VN1R1: variants seen among roughly 807,000 people sequenced by gnomAD.
VN1R1 encodes vomeronasal 1 receptor 1.
For missense variants in VN1R1, 391 were observed against 410.3 expected, an observed-to-expected ratio of 0.95 and a Z score of 0.41; for synonymous variants, 168 against 149.8, an observed-to-expected ratio of 1.12 and a Z score of -0.89.
rs1366687608 is a variant in VN1R1, at chr19:57,455,486, T to C, written c.1001A>G (p.Gln334Arg). The C allele has an allele frequency of 1.2e-6, 2 of 1,614,012 alleles. No homozygotes were observed. Among genetic ancestry groups the C allele is most frequent in the Non-Finnish European group, 1.7e-6 (2 of 1,179,958 alleles). ...CCTTGTCCTGCAGGCAAAACAGAAC[T>C]GAGAGATATGAGTATCACTCATGAT... ...VLIMSDTHIS[Q>R]FCFACRTRKT... The change falls in exon 1 of 1, where the codon CAG becomes CGG. Residue 334 changes from glutamine to arginine, a missense_variant. Coordinates refer to ENST00000321039, the MANE Select transcript of VN1R1 (RefSeq NM_020633.4).
Position 57,455,864 on chromosome 19 carries a change from C to T in VN1R1, c.623G>A (p.Cys208Tyr). 1.2e-6 allele frequency: 2 copies of T among 1,614,192 alleles called. No homozygotes were observed. Among genetic ancestry groups the T allele is most frequent in the Non-Finnish European group, 1.7e-6 (2 of 1,180,036 alleles). Residue 208 changes from cysteine (C) to tyrosine (Y), a missense_variant, in exon 1 of 1, where the codon TGT becomes TAT. By Grantham distance (194) the Cys-to-Tyr change is radical (BLOSUM62 -2). Coordinates refer to ENST00000321039, the MANE Select transcript of VN1R1 (RefSeq NM_020633.4). ...NSSAKNNYGY[C>Y]SYKASKRFSS... is the part of the protein sequence containing the mutation. ...AAATCTCTTTGATGCTTTGTAAGAACAGTATCCATAATTGTTTTTTGCACT... is the reference window on the plus strand; with the variant it reads ...AAATCTCTTTGATGCTTTGTAAGAATAGTATCCATAATTGTTTTTTGCACT...
chr19:57,456,096 C>CCACCCTGTGGTAATTATTAT, the VN1R1 span: 1 of 1,614,104 alleles, frequency 6.2e-7, no homozygotes, highest in Admixed American at 1.7e-5. Context: ...ACTCTTGTGC[C>CCACCCTGTGGTAATTATTAT]CACCCTGTGA....
rs1272981930 is a variant in VN1R1 at position 57,456,189 on chromosome 19, A to G, written c.298T>C (p.Phe100Leu). The change falls in exon 1 of 1, where the codon TTT becomes CTT. Residue 100 changes from phenylalanine (F) to leucine (L), a missense_variant. By Grantham distance (22) the Phe-to-Leu change is conservative. Coordinates refer to ENST00000321039, the MANE Select transcript of VN1R1 (RefSeq NM_020633.4). ...LALANSMVLFFKGIPQTMAAF... is the reference protein window; with the variant it reads ...LALANSMVLFLKGIPQTMAAF... Reference sequence around the variant, plus strand: ...GCCATTGTCTGAGGTATCCCTTTAAAGAAAAGGACCATGGAGTTAGCCAAG... The same window carrying G: ...GCCATTGTCTGAGGTATCCCTTTAAGGAAAAGGACCATGGAGTTAGCCAAG... 1.9e-6 allele frequency: 3 copies of G among 1,614,120 alleles called. No individual in the cohort carries two copies. Among genetic ancestry groups the G allele is most frequent in the Non-Finnish European group, 2.5e-6 (3 of 1,180,060 alleles).
At position 57,456,792 on chromosome 19, in the gene VN1R1, C is replaced by T; in HGVS notation, c.-306G>A. On this transcript the variant is annotated 5_prime_UTR_variant, in exon 1 of 1. Coordinates refer to ENST00000321039, the MANE Select transcript of VN1R1 (RefSeq NM_020633.4). Reference sequence around the variant, plus strand: ...GGACAGGGCTTTTTCTGTATTATTTCTTATGACTGCTTGTGAGTCTACACT... The same window carrying T: ...GGACAGGGCTTTTTCTGTATTATTTTTTATGACTGCTTGTGAGTCTACACT... 8.2e-6 allele frequency: 2 copies of T among 244,706 alleles called. No individual in the cohort carries two copies. The highest frequency in any genetic ancestry group is 1.6e-4 in the South Asian group (1 of 6,292). 15.2% of individuals were successfully genotyped at this position (244,706 alleles called of 1,614,324 possible).
chr19:57,456,356 C>T lies in VN1R1; in HGVS notation c.131G>A (p.Gly44Glu). The T allele has an allele frequency of 6.2e-7, 1 of 1,613,878 alleles. No individual in the cohort carries two copies. The highest frequency in any genetic ancestry group is 2.2e-5 in the East Asian group (1 of 44,880). Reference sequence around the variant, plus strand: ...GAAGCTAATCCCTGATTTTACTTTTCCAAAAGCCATTTCATCAAAATCTAG... The same window carrying T: ...GAAGCTAATCCCTGATTTTACTTTTTCAAAAGCCATTTCATCAAAATCTAG... Reference protein sequence around the residue: ...HPLDFDEMAFGKVKSGISFLI... With the variant: ...HPLDFDEMAFEKVKSGISFLI... The change falls in exon 1 of 1, where the codon GGA becomes GAA. Residue 44 changes from glycine (G) to glutamate (E), a missense_variant. By Grantham distance (98) the Gly-to-Glu change is moderately conservative (BLOSUM62 -2). Transcript: ENST00000321039.
At position 57,456,105 on chromosome 19, in the gene VN1R1, GATA is replaced by G; in HGVS notation, c.379_381del (p.Tyr127del). Reference sequence around the variant, plus strand: ...AGGGAAACTCTTGTGCCCACCCTGTGATAATAAAAGACAAACTTACATCCAGTG... The same window carrying G: ...AGGGAAACTCTTGTGCCCACCCTGTGATAAAAGACAAACTTACATCCAGTG... On this transcript the variant is annotated inframe_deletion, in exon 1 of 1. Transcript: ENST00000321039. The G allele has an allele frequency of 6.2e-7, 1 of 1,614,138 alleles. No individual in the cohort carries two copies. Among genetic ancestry groups the G allele is most frequent in the South Asian group, 1.1e-5 (1 of 91,068 alleles).
Position 57,455,526 on chromosome 19 carries a change from T to C in VN1R1, c.961A>G (p.Ser321Gly), listed in dbSNP as rs1174085378. The stretch of plus-strand genomic sequence containing the variant: ...TCACTCATGATGAGGACAAAAGGGC[T>C]GCGTGCTGGGAAACATGAGGCGACC... The part of the protein sequence containing the change: ...VLVASCFPAR[S>G]PFVLIMSDTH... The change falls in exon 1 of 1, where the codon AGC (serine) becomes GGC (glycine). Residue 321 changes from serine (S) to glycine (G), a missense_variant. Transcript: ENST00000321039. The C allele has an allele frequency of 6.2e-7, 1 of 1,614,134 alleles. No individual in the cohort carries two copies. The highest frequency in any genetic ancestry group is 1.1e-5 in the South Asian group (1 of 91,080).
chr19:57,455,560 G>C lies in VN1R1; in HGVS notation c.927C>G (p.Asn309Lys). The C allele has an allele frequency of 6.2e-7, 1 of 1,614,208 alleles. No homozygotes were observed. Among genetic ancestry groups the C allele is most frequent in the Non-Finnish European group, 8.5e-7 (1 of 1,180,044 alleles). Residue 309 changes from asparagine (N) to lysine (K), a missense_variant, in exon 1 of 1, where the codon AAC becomes AAG. By Grantham distance (94) the Asn-to-Lys change is moderately conservative. Coordinates refer to ENST00000321039, the MANE Select transcript of VN1R1 (RefSeq NM_020633.4). Reference protein sequence around the residue: ...VANPGQWIVTNSVLVASCFPA... With the variant: ...VANPGQWIVTKSVLVASCFPA... Reference sequence around the variant, plus strand: ...GGAAACATGAGGCGACCAACACAGAGTTGGTCACTATCCACTGGCCTGGGT... The same window carrying C: ...GGAAACATGAGGCGACCAACACAGACTTGGTCACTATCCACTGGCCTGGGT...
Position 57,455,317 on chromosome 19 carries a change from G to T in VN1R1, c.*108C>A. The T allele has an allele frequency of 2.0e-6, 2 of 1,015,060 alleles. No individual in the cohort carries two copies. Among genetic ancestry groups the T allele is most frequent in the Non-Finnish European group, 1.4e-6 (1 of 696,574 alleles). 62.9% of individuals were successfully genotyped at this position (1,015,060 alleles called of 1,614,324 possible). A position where few individuals can be genotyped will look rare whatever the true frequency, so the allele number is the denominator to read the frequency against. ...TGGTATTAGATCTTCCTGGACAAGA[G>T]CATTACTGGCCATGTGTATGTTGCT... On this transcript the variant is annotated 3_prime_UTR_variant, in exon 1 of 1. Transcript: ENST00000321039.
rs370188727 is a variant in VN1R1 at position 57,455,105 on chromosome 19, CTG to C, written c.*318_*319del. Reference sequence around the variant, plus strand: ...CTGTTCAAGAAGCACCTGAATCAAACTGTGCTTTAAAAATATTTTTAAAACAT... The same window carrying C: ...CTGTTCAAGAAGCACCTGAATCAAACTGCTTTAAAAATATTTTTAAAACAT... On this transcript the variant is annotated 3_prime_UTR_variant, in exon 1 of 1. Transcript: ENST00000321039. 1.4e-3 allele frequency: 369 copies of C among 261,820 alleles called. 4 individuals are homozygous for C. Among genetic ancestry groups the C allele is most frequent in the African/African-American group, 7.6e-3 (331 of 43,812 alleles). 16.2% of individuals were successfully genotyped at this position (261,820 alleles called of 1,614,324 possible). A position where few individuals can be genotyped will look rare whatever the true frequency, so the allele number is the denominator to read the frequency against.
chr19:57,456,984 C>G lies in VN1R1; in HGVS notation c.-498G>C, dbSNP rs973455376. 6.6e-6 allele frequency: 1 copy of G among 152,006 alleles called. No homozygotes were observed. Among genetic ancestry groups the G allele is most frequent in the Admixed American group, 6.6e-5 (1 of 15,240 alleles). 9.4% of individuals were successfully genotyped at this position (152,006 alleles called of 1,614,324 possible). On this transcript the variant is annotated 5_prime_UTR_variant, in exon 1 of 1. Coordinates refer to ENST00000321039, the MANE Select transcript of VN1R1 (RefSeq NM_020633.4). Reference sequence around the variant, plus strand: ...GCTCACACCTGTAATTCCAGCACTTCGGGAGGCCAAGATGGAGACCATCCT... The same window carrying G: ...GCTCACACCTGTAATTCCAGCACTTGGGGAGGCCAAGATGGAGACCATCCT...
Position 57,456,795 on chromosome 19 carries a change from A to G in VN1R1, c.-309T>C. The G allele has an allele frequency of 4.1e-6, 1 of 243,986 alleles. No homozygotes were observed. Among genetic ancestry groups the G allele is most frequent in the Non-Finnish European group, 7.8e-6 (1 of 128,402 alleles). 15.1% of individuals were successfully genotyped at this position (243,986 alleles called of 1,614,324 possible). ...CAGGGCTTTTTCTGTATTATTTCTT[A>G]TGACTGCTTGTGAGTCTACACTTAT... On this transcript the variant is annotated 5_prime_UTR_variant, in exon 1 of 1. Transcript: ENST00000321039.
At position 57,456,130 on chromosome 19, in the gene VN1R1, A is replaced by G. The variant is rs763583793; in HGVS notation, c.357T>C (p.Thr119=). Residue 119 remains threonine, a synonymous_variant, in exon 1 of 1, where the codon ACT becomes ACC. Transcript: ENST00000321039. ...AFGLKYLLND[T]GCKFVFYYHR... is the part of the protein sequence containing the mutation. ...GATAATAAAAGACAAACTTACATCC[A>G]GTGTCATTCAGCAAATATTTCAATC... 6.2e-7 allele frequency: 1 copy of G among 1,614,202 alleles called. No individual in the cohort carries two copies. Among genetic ancestry groups the G allele is most frequent in the South Asian group, 1.1e-5 (1 of 91,076 alleles).
Position 57,456,073 on chromosome 19 carries a change from G to C in VN1R1, c.414C>G (p.Thr138=). The C allele has an allele frequency of 6.2e-7, 1 of 1,614,170 alleles. No homozygotes were observed. The highest frequency in any genetic ancestry group is 8.5e-7 in the Non-Finnish European group (1 of 1,180,040). ...CTTGGAATCCATTGAGAAGGCAGATGGTGCTGAGGGAAACTCTTGTGCCCA... is the reference window on the plus strand; with the variant it reads ...CTTGGAATCCATTGAGAAGGCAGATCGTGCTGAGGGAAACTCTTGTGCCCA... ...HRVGTRVSLS[T]ICLLNGFQAI... Residue 138 remains threonine, a synonymous_variant, in exon 1 of 1, where the codon ACC becomes ACG. Coordinates refer to ENST00000321039, the MANE Select transcript of VN1R1 (RefSeq NM_020633.4).
Position 57,455,694 on chromosome 19 carries a change from G to A in VN1R1, c.793C>T (p.Pro265Ser). ...TGTGTGGCTCTGGCTTCCTGGGAAG[G>A]TCTGCAGGAGAGTCTGTTGCTGTGA... The part of the protein sequence containing the change: ...HNHSNRLSCR[P>S]SQEARATHTI... Residue 265 changes from proline (P) to serine (S), a missense_variant, in exon 1 of 1, where the codon CCT becomes TCT. Pro to Ser is a moderately conservative substitution (Grantham distance 74). Coordinates refer to ENST00000321039, the MANE Select transcript of VN1R1 (RefSeq NM_020633.4). 6.2e-7 allele frequency: 1 copy of A among 1,614,156 alleles called. No homozygotes were observed. Among genetic ancestry groups the A allele is most frequent in the Admixed American group, 1.7e-5 (1 of 60,014 alleles).
In VN1R1 at chr19:57,455,495, T is replaced by C. The variant is rs760122408; in HGVS notation, c.992A>G (p.His331Arg). The stretch of plus-strand genomic sequence containing the variant: ...GCAGGCAAAACAGAACTGAGAGATA[T>C]GAGTATCACTCATGATGAGGACAAA... The part of the protein sequence containing the change: ...SPFVLIMSDT[H>R]ISQFCFACRT... The change falls in exon 1 of 1, where the codon CAT becomes CGT. Residue 331 changes from histidine to arginine, a missense_variant. His to Arg is a conservative substitution (Grantham distance 29, BLOSUM62 0). Transcript: ENST00000321039. The C allele has an allele frequency of 8.1e-6, 13 of 1,613,814 alleles. No homozygotes were observed. In the East Asian group the frequency reaches 1.8e-4, roughly 22 times the overall value.
At position 57,455,408 on chromosome 19, in the gene VN1R1, C is replaced by T. The variant is rs1472546889; in HGVS notation, c.*17G>A. 6.3e-7 allele frequency: 1 copy of T among 1,584,914 alleles called. No individual in the cohort carries two copies. The highest frequency in any genetic ancestry group is 8.6e-7 in the Non-Finnish European group (1 of 1,166,840). On this transcript the variant is annotated 3_prime_UTR_variant, in exon 1 of 1. Transcript: ENST00000321039. ...AAGAGTTATGATAAATAGCTGAATT[C>T]CATGAAGAGAAAAGACTCATGGCAT...
chr19:57,456,792 C>A lies in VN1R1; in HGVS notation c.-306G>T. ...GGACAGGGCTTTTTCTGTATTATTTCTTATGACTGCTTGTGAGTCTACACT... is the reference window on the plus strand; with the variant it reads ...GGACAGGGCTTTTTCTGTATTATTTATTATGACTGCTTGTGAGTCTACACT... On this transcript the variant is annotated 5_prime_UTR_variant, in exon 1 of 1. Transcript: ENST00000321039. The A allele has an allele frequency of 4.1e-6, 1 of 244,706 alleles. No homozygotes were observed. Among genetic ancestry groups the A allele is most frequent in the South Asian group, 1.6e-4 (1 of 6,292 alleles). 15.2% of individuals were successfully genotyped at this position (244,706 alleles called of 1,614,324 possible). A position where few individuals can be genotyped will look rare whatever the true frequency, so the allele number is the denominator to read the frequency against.
chr19:57,455,477 A>G lies in VN1R1; in HGVS notation c.1010T>C (p.Phe337Ser). The change falls in exon 1 of 1, where the codon TTT becomes TCT. Residue 337 changes from phenylalanine to serine, a missense_variant. Physicochemically the swap from Phe to Ser is radical, Grantham distance 155 (BLOSUM62 -2). Coordinates refer to ENST00000321039, the MANE Select transcript of VN1R1 (RefSeq NM_020633.4). The part of the protein sequence containing the change: ...MSDTHISQFC[F>S]ACRTRKTLFP... ...GAGTGTTTTCCTTGTCCTGCAGGCA[A>G]AACAGAACTGAGAGATATGAGTATC... 1.2e-6 allele frequency: 2 copies of G among 1,614,070 alleles called. No individual in the cohort carries two copies. The highest frequency in any genetic ancestry group is 1.7e-6 in the Non-Finnish European group (2 of 1,180,012).
Sources: gnomAD v4.1 joint callset for allele counts on GRCh38, gnomAD v4.1.1 for gene constraint, MANE v1.5 for transcripts, NCBI Gene and HGNC (gene_info 2026-07-23, HGNC 2026-07-21) for gene names.